The following PTPRD variants were observed in gnomAD, a reference collection of about 807,000 sequenced individuals.
PTPRD encodes the protein receptor-type tyrosine-protein phosphatase delta.
PTPRD carries 34 observed loss-of-function variants against 214.5 expected under a neutral mutation model. The observed-to-expected ratio is 0.16, with a 90% CI of 0.12 to 0.21. The LOEUF (loss-of-function observed/expected upper bound fraction) is 0.21, where lower values mean the gene tolerates loss of function less well. Among genes scored for constraint, PTPRD ranks in the 10% least tolerant of loss-of-function variants. PTPRD has a pLI of 1.00. For synonymous variants in PTPRD, 1,128 were observed against 845.7 expected, an observed-to-expected ratio of 1.33 and a Z score of -5.79; for missense variants, 2,545 against 2,398.7, an observed-to-expected ratio of 1.06 and a Z score of -1.27.
chr9:8,693,091 G>T (rs930209652), intron 12 of PTPRD, among the ~76,000 whole-genome samples: 1 of 152,152 alleles, frequency 6.6e-6, no homozygotes, highest in Non-Finnish European at 1.5e-5. Context: ...GGCCTATGTG[G>T]TATTATGCGC....
chr9:9,620,123 T>C (rs145301866), intron 7 of PTPRD, among the ~76,000 whole-genome samples: 1 of 152,250 alleles, frequency 6.6e-6, no homozygotes, highest in East Asian at 1.9e-4. Context: ...CATAAACCCA[T>C]GTTTTGGAAT....
At chr9:9,893,953 C>G (rs191820081) in intron 5 of PTPRD, among the ~76,000 whole-genome samples, 22 of 152,142 alleles carry the variant, frequency 1.4e-4, no homozygotes, top group Non-Finnish European at 2.8e-4. Flanking sequence ...GCTAAGACCA[C>G]AAGTGCACAC....
chr9:10,381,111 A>G (rs894397385), intron 2 of PTPRD, among the ~76,000 whole-genome samples: 2 of 151,868 alleles, frequency 1.3e-5, no homozygotes, highest in Non-Finnish European at 2.9e-5. Flanking sequence ...CAAAAAAAAA[A>G]GACAAAAAGT....
intron 9 of PTPRD, among the ~76,000 whole-genome samples, chr9:9,346,991 C>G (rs2049071436): frequency 6.6e-6 from 1 of 151,980 alleles, no homozygotes; most frequent in Non-Finnish European, 1.5e-5. Context: ...TTGTGCCTGG[C>G]CAATTCCTTA....
intron 8 of PTPRD, among the ~76,000 whole-genome samples, chr9:9,415,645 G>C (rs1005001884): frequency 6.6e-6 from 1 of 151,982 alleles, no homozygotes; most frequent in African/African-American, 2.4e-5. Context: ...TGTACAAAAA[G>C]CCATAAGATT....
At chr9:9,070,487 T>A (rs1194704389) in intron 10 of PTPRD, among the ~76,000 whole-genome samples, 1 of 152,172 alleles carries the variant, frequency 6.6e-6, no homozygotes, top group African/African-American at 2.4e-5. Flanking sequence ...TTGAAGAGAA[T>A]AATATGCCTG....
chr9:8,557,048 T>A (rs1270458523), intron 14 of PTPRD, among the ~76,000 whole-genome samples: 2 of 152,088 alleles, frequency 1.3e-5, no homozygotes, highest in African/African-American at 4.8e-5. Context: ...TAGGAAGTGG[T>A]TTGTGGTATA....
At chr9:9,908,079 C>A (rs1167513445) in intron 5 of PTPRD, among the ~76,000 whole-genome samples, 7 of 149,278 alleles carry the variant, frequency 4.7e-5, no homozygotes, top group African/African-American at 1.5e-4. Flanking sequence ...AACATTAAGA[C>A]AAAAAAAAAA....
intron 40 of PTPRD, 63 bp downstream of exon 40, chr9:8,341,630 C>G (rs573541117): frequency 3.1e-5 from 48 of 1,563,030 alleles, no homozygotes; most frequent in Non-Finnish European, 3.9e-5. Context: ...AGTAAAGCCA[C>G]GACTCAAAGA....
intron 30 of PTPRD, among the ~76,000 whole-genome samples, chr9:8,479,320 T>G (rs973905625): frequency 6.6e-6 from 1 of 152,224 alleles, no homozygotes; most frequent in Non-Finnish European, 1.5e-5. Context: ...ACTCAAGTAC[T>G]TTCCTGATTT....
At chr9:9,427,581 A>G (rs1489677435) in intron 8 of PTPRD, among the ~76,000 whole-genome samples, 1 of 152,148 alleles carries the variant, frequency 6.6e-6, no homozygotes, top group African/African-American at 2.4e-5. Flanking sequence ...GATACTCTTC[A>G]AGAAGAGCAA....
At chr9:8,739,958 C>CA (rs2091494252) in intron 11 of PTPRD, among the ~76,000 whole-genome samples, 1 of 152,174 alleles carries the variant, frequency 6.6e-6, no homozygotes, top group Non-Finnish European at 1.5e-5. Context: ...GAGGCGTCCC[C>CA]AGCCATGTGG....
In PTPRD at chr9:8,317,883, A is replaced by C; in HGVS notation, c.5730T>G (p.Tyr1910Ter). The change falls in exon 46 of 46, where the codon TAT (tyrosine) becomes TAG (stop). Residue 1910 changes from tyrosine (Y) to a stop codon, truncating the protein, a stop_gained. Transcript: ENST00000381196. LOFTEE classifies it high-confidence loss of function. Reference protein sequence around the residue: ...ALEYLGSFDHYAT With the variant: ...ALEYLGSFDH ...AATGGGTCAGGGGTTTCTACGTTGC[A>C]TAGTGGTCAAAGCTGCCCAGGTACT... 6.2e-7 allele frequency: 1 copy of C among 1,612,232 alleles called. No homozygotes were observed. Among genetic ancestry groups the C allele is most frequent in the Non-Finnish European group, 8.5e-7 (1 of 1,178,684 alleles).
chr9:9,913,892 G>A (rs567939505), intron 5 of PTPRD, among the ~76,000 whole-genome samples: 1 of 152,198 alleles, frequency 6.6e-6, no homozygotes, highest in South Asian at 2.1e-4. Context: ...CAAGATCAGA[G>A]CCACCTCTGG....
chr9:9,481,957 T>C (rs1483888941), intron 8 of PTPRD, among the ~76,000 whole-genome samples: 2 of 152,208 alleles, frequency 1.3e-5, no homozygotes, highest in Non-Finnish European at 2.9e-5. Context: ...GCTTGAATTA[T>C]CACAGGTATA....
chr9:8,875,006 G>C (rs566825436), intron 11 of PTPRD, among the ~76,000 whole-genome samples: 31 of 152,206 alleles, frequency 2.0e-4, no homozygotes, highest in African/African-American at 6.7e-4. Context: ...AAAATATAGG[G>C]CTGTGCTCAT....
At chr9:9,577,437 T>G (rs903347573) in intron 7 of PTPRD, among the ~76,000 whole-genome samples, 1 of 151,928 alleles carries the variant, frequency 6.6e-6, no homozygotes, top group Admixed American at 6.6e-5. Flanking sequence ...TGGTGGTGTG[T>G]GCTTGTACTC....
chr9:10,480,170 G>A lies in PTPRD; in HGVS notation c.-600+132228C>T, dbSNP rs191475301. On this transcript the variant is annotated intron_variant, in intron 2 of 45. Transcript: ENST00000381196. Reference sequence around the variant, plus strand: ...AGATAAATTCAACCCCATGGCAAGTGTGCCACACTCAGATGATGTCCTATT... The same window carrying A: ...AGATAAATTCAACCCCATGGCAAGTATGCCACACTCAGATGATGTCCTATT... 1.9e-3 allele frequency among the ~76,000 whole-genome samples: 294 copies of A among 152,210 alleles called. 4 individuals are homozygous for A. Among genetic ancestry groups the A allele is most frequent in the Non-Finnish European group, 2.7e-3 (184 of 68,002 alleles).
At chr9:9,270,120 G>C (rs10977624) in intron 9 of PTPRD, among the ~76,000 whole-genome samples, 15,328 of 151,000 alleles carry the variant, frequency 0.1, 1,140 homozygotes, top group Non-Finnish European at 0.16. Flanking sequence ...TGAGTTGATA[G>C]ATATGTTAGG....
Sources: gnomAD v4.1 joint callset for allele counts (sites outside exome capture counted in the v4.1 genomes callset) on GRCh38, gnomAD v4.1.1 for gene constraint, MANE v1.5 for transcripts, NCBI Gene and HGNC (gene_info 2026-07-23, HGNC 2026-07-21) for gene names.